Variants in FSTL5 observed in about 807,000 individuals in gnomAD.
The protein encoded by FSTL5 is follistatin like 5, also known as follistatin-related protein 5.
In FSTL5, 62 loss-of-function variants were observed where a neutral mutation model predicts 89.1. The observed-to-expected ratio is 0.70, with a 90% CI of 0.57 to 0.86. FSTL5 has a LOEUF of 0.86. Among genes scored for constraint, FSTL5 ranks in the 40% least tolerant of loss-of-function variants. FSTL5 has a pLI of 0.00. For synonymous variants in FSTL5, 383 were observed against 346.2 expected (o/e 1.11, Z -1.18); for missense variants, 1,057 against 1,001.6 (o/e 1.06, Z -0.75).
chr4:162,002,750 T>C (rs1321760917), intron 3 of FSTL5, among the ~76,000 whole-genome samples: 1 of 92,452 alleles, frequency 1.1e-5, no homozygotes, highest in Non-Finnish European at 2.3e-5. Flanking sequence ...TGTTACTGCA[T>C]TTTTTAGCTA....
At chr4:161,832,515 T>C (rs1181282311) in intron 4 of FSTL5, among the ~76,000 whole-genome samples, 1 of 152,202 alleles carries the variant, frequency 6.6e-6, no homozygotes, top group Non-Finnish European at 1.5e-5. Flanking sequence ...GGTCCTGGAC[T>C]CTTTTTGGTT....
chr4:161,519,738 C>T (rs976241429), intron 10 of FSTL5, among the ~76,000 whole-genome samples: 2 of 152,046 alleles, frequency 1.3e-5, no homozygotes, highest in African/African-American at 4.8e-5. Flanking sequence ...TAAACAGTGA[C>T]ATAATTAAAT....
At chr4:161,550,240 C>T (rs546162202) in intron 8 of FSTL5, among the ~76,000 whole-genome samples, 9 of 151,988 alleles carry the variant, frequency 5.9e-5, no homozygotes, top group African/African-American at 1.4e-4. Flanking sequence ...ATCTGCTGCA[C>T]CCTTTCTGCC....
At chr4:161,868,734 A>G (rs1732168785) in intron 4 of FSTL5, among the ~76,000 whole-genome samples, 2 of 152,248 alleles carry the variant, frequency 1.3e-5, no homozygotes, top group South Asian at 4.2e-4. Context: ...ATTATCTCAC[A>G]GTTTTGTTTA....
At chr4:161,473,751 A>G (rs1394386517) in intron 13 of FSTL5, among the ~76,000 whole-genome samples, 3 of 152,138 alleles carry the variant, frequency 2.0e-5, no homozygotes, top group Non-Finnish European at 4.4e-5. Context: ...TTTTAAGTCT[A>G]TGGAGACATA....
At chr4:162,009,836 T>A (rs1736710297) in intron 3 of FSTL5, among the ~76,000 whole-genome samples, 1 of 152,078 alleles carries the variant, frequency 6.6e-6, no homozygotes, top group Non-Finnish European at 1.5e-5. Flanking sequence ...AAACTTCTAA[T>A]CAATTTTCTA....
chr4:162,089,742 T>C (rs916257519), intron 2 of FSTL5, among the ~76,000 whole-genome samples: 5 of 151,800 alleles, frequency 3.3e-5, no homozygotes, highest in African/African-American at 4.8e-5. Flanking sequence ...TACAGAACAG[T>C]ACAATTTGAA....
intron 7 of FSTL5, among the ~76,000 whole-genome samples, chr4:161,603,985 T>C (rs1003438275): frequency 6.6e-6 from 1 of 152,142 alleles, no homozygotes; most frequent in African/African-American, 2.4e-5. Flanking sequence ...TGTACAGGAA[T>C]AGATCAATAA....
intron 6 of FSTL5, among the ~76,000 whole-genome samples, chr4:161,736,103 A>T (rs1447299021): frequency 6.6e-6 from 1 of 152,112 alleles, no homozygotes; most frequent in African/African-American, 2.4e-5. Context: ...AGTATGTGTG[A>T]CTTTATTTAT....
chr4:161,951,018 G>A (rs1734878745), intron 3 of FSTL5, among the ~76,000 whole-genome samples: 1 of 152,020 alleles, frequency 6.6e-6, no homozygotes, highest in South Asian at 2.1e-4. Flanking sequence ...GGACCCAGTG[G>A]GAGGTAATTG....
chr4:162,056,914 A>T (rs1003286878), intron 2 of FSTL5, among the ~76,000 whole-genome samples: 6 of 152,202 alleles, frequency 3.9e-5, no homozygotes, highest in Admixed American at 2.0e-4. Flanking sequence ...TTCCAACCTT[A>T]AACTAATAAA....
chr4:161,867,512 A>G (rs550956264), intron 4 of FSTL5, among the ~76,000 whole-genome samples: 1 of 152,006 alleles, frequency 6.6e-6, no homozygotes, highest in African/African-American at 2.4e-5. Flanking sequence ...TCAAAATTAT[A>G]TGAAGGTTAC....
chr4:161,742,572 T>C (rs1740064215), intron 6 of FSTL5, among the ~76,000 whole-genome samples: 1 of 152,190 alleles, frequency 6.6e-6, no homozygotes, highest in African/African-American at 2.4e-5. Flanking sequence ...ATGAGTAGCC[T>C]TTGACATGTG....
intron 6 of FSTL5, among the ~76,000 whole-genome samples, chr4:161,693,516 T>C (rs1738024724): frequency 6.6e-6 from 1 of 152,114 alleles, no homozygotes; most frequent in African/African-American, 2.4e-5. Flanking sequence ...ACAGATCTAT[T>C]AGAATTTTGT....
intron 12 of FSTL5, among the ~76,000 whole-genome samples, chr4:161,487,408 C>A (rs529922776): frequency 1.3e-5 from 2 of 152,206 alleles, no homozygotes; most frequent in Admixed American, 1.3e-4. Flanking sequence ...TGCTACCAAG[C>A]TGAGGATTCC....
rs1731847156 is a variant in FSTL5, at chr4:161,859,951, GAAA to G, written c.409+60450_409+60452del. Among the ~76,000 whole-genome samples the G allele has an allele frequency of 2.6e-5, 4 of 152,324 alleles. No individual in the cohort carries two copies. In the South Asian group the frequency reaches 8.3e-4, roughly 32 times the overall value. On this transcript the variant is annotated intron_variant, in intron 4 of 15. Transcript: ENST00000306100. ...TAAATGGAAAAGGACATGGTAGGCAGAAAACAACAATGTATGCAATGCTTTTCT... is the reference window on the plus strand; with the variant it reads ...TAAATGGAAAAGGACATGGTAGGCAGACAACAATGTATGCAATGCTTTTCT...
chr4:161,514,557 C>G lies in FSTL5; in HGVS notation c.1313-4133G>C, dbSNP rs920169402. Among the ~76,000 whole-genome samples, 39 of 152,110 alleles carry G rather than the reference C, an allele frequency of 2.6e-4. 1 individual carries two copies. Among genetic ancestry groups the G allele is most frequent in the Admixed American group, 3.9e-4 (6 of 15,254 alleles). On this transcript the variant is annotated intron_variant, in intron 10 of 15. Coordinates refer to ENST00000306100, the MANE Select transcript of FSTL5 (RefSeq NM_020116.5). The stretch of plus-strand genomic sequence containing the variant: ...TACACTAAAAGCCTAGACTTCACCA[C>G]TAGTCAATAGATCCATGTAACAAAA...
chr4:161,947,252 GT>G (rs2110941050), intron 3 of FSTL5, among the ~76,000 whole-genome samples: 1 of 105,902 alleles, frequency 9.4e-6, no homozygotes, highest in East Asian at 2.3e-4. Flanking sequence ...ATTTTTTAAA[GT>G]TCTATCTATC....
intron 6 of FSTL5, among the ~76,000 whole-genome samples, chr4:161,725,154 C>T (rs1739353970): frequency 6.6e-6 from 1 of 152,074 alleles, no homozygotes; most frequent in Non-Finnish European, 1.5e-5. Flanking sequence ...CCAGATCACA[C>T]CACTGCACTC....
Sources: allele counts gnomAD v4.1 joint callset (sites outside exome capture counted in the v4.1 genomes callset), GRCh38; gene constraint gnomAD v4.1.1; transcripts MANE v1.5; gene names NCBI Gene and HGNC (gene_info 2026-07-23, HGNC 2026-07-21).